Variants in PARD3B observed in about 807,000 individuals in gnomAD.
The protein encoded by PARD3B is partitioning defective 3 homolog B.
A neutral mutation model predicts 130.2 loss-of-function variants in PARD3B; 103 were observed. The observed-to-expected ratio is 0.79, with a 90% CI of 0.67 to 0.93. The LOEUF is 0.93. Among genes scored for constraint, PARD3B ranks in the 40% least tolerant of loss-of-function variants. The probability of loss-of-function intolerance (pLI) is 0.00; values close to 1 mark genes in which losing one functional copy is unlikely to be tolerated. For missense variants in PARD3B, 1,609 were observed against 1,499.2 expected, an observed-to-expected ratio of 1.07 and a Z score of -1.21; for synonymous variants, 583 against 553.2, an observed-to-expected ratio of 1.05 and a Z score of -0.76.
At chr2:205,208,485 A>C (rs1183244141) in intron 15 of PARD3B, among the ~76,000 whole-genome samples, 4,163 of 123,646 alleles carry the variant, frequency 0.034, 117 homozygotes, top group African/African-American at 0.048. Context: ...GTCTCAGGCC[A>C]AAATCTCCTT....
At position 204,563,217 on chromosome 2, in the gene PARD3B, G is replaced by GTCTGTCTCTC. The variant is rs1553541986; in HGVS notation, c.120+17101_120+17102insGTCTCTCTCT. ...CGTTTTTACATGCCGTCTTCCCGCT[G>GTCTGTCTCTC]TCTCTCTCTCTCTCTCTCTCTCTCT... On this transcript the variant is annotated intron_variant, in intron 1 of 22. Transcript: ENST00000406610. 4.4e-4 allele frequency among the ~76,000 whole-genome samples: 38 copies of GTCTGTCTCTC among 86,636 alleles called. 2 individuals carry two copies. The highest frequency in any genetic ancestry group is 1.6e-3 in the African/African-American group (36 of 22,456). 56.8% of individuals were successfully genotyped at this position (86,636 alleles called of 152,430 possible).
chr2:204,808,834 A>G (rs1398505456), intron 2 of PARD3B, among the ~76,000 whole-genome samples: 1 of 152,116 alleles, frequency 6.6e-6, no homozygotes, highest in Non-Finnish European at 1.5e-5. Flanking sequence ...TTATATTCCT[A>G]TGAGTATATA....
At position 204,731,795 on chromosome 2, in the gene PARD3B, G is replaced by T. The variant is rs1036640327; in HGVS notation, c.222+45513G>T. ...TGTGGCCTAGAGGAAAGTTACATTGGTTTTTTTTAGTTCTTAGGTAGTGTA... is the reference window on the plus strand; with the variant it reads ...TGTGGCCTAGAGGAAAGTTACATTGTTTTTTTTTAGTTCTTAGGTAGTGTA... On this transcript the variant is annotated intron_variant, in intron 2 of 22. Transcript: ENST00000406610. Among the ~76,000 whole-genome samples the T allele has an allele frequency of 7.9e-5, 12 of 151,898 alleles. 1 individual carries two copies. Among genetic ancestry groups the T allele is most frequent in the African/African-American group, 2.4e-4 (10 of 41,364 alleles).
intron 2 of PARD3B, among the ~76,000 whole-genome samples, chr2:204,814,146 C>A (rs2125529951): frequency 6.6e-6 from 1 of 152,072 alleles, no homozygotes; most frequent in Admixed American, 6.5e-5. Flanking sequence ...CCTGAGAAAT[C>A]TCATGTTTTT....
intron 15 of PARD3B, among the ~76,000 whole-genome samples, chr2:205,203,100 ACT>A (rs1301582138): frequency 1.3e-5 from 2 of 152,006 alleles, no homozygotes; most frequent in African/African-American, 2.4e-5. Context: ...GAAATGTAAG[ACT>A]CTATTTCCCC....
rs574817936 is a variant in PARD3B at position 204,971,631 on chromosome 2, C to T, written c.394+6308C>T. ...TTCCCTGGGAGTCTGTTTTTTTTTTCCCCCTCCATGAAGGCTTAAATGAAT... is the reference window on the plus strand; with the variant it reads ...TTCCCTGGGAGTCTGTTTTTTTTTTTCCCCTCCATGAAGGCTTAAATGAAT... On this transcript the variant is annotated intron_variant, in intron 3 of 22. Coordinates refer to ENST00000406610, the MANE Select transcript of PARD3B (RefSeq NM_001302769.2). 2.1e-3 allele frequency among the ~76,000 whole-genome samples: 298 copies of T among 144,446 alleles called. 2 individuals carry two copies. The highest frequency in any genetic ancestry group is 6.5e-3 in the African/African-American group (253 of 38,718). 94.8% of individuals were successfully genotyped at this position (144,446 alleles called of 152,430 possible).
chr2:204,964,789 T>C (rs1207108579), intron 2 of PARD3B, among the ~76,000 whole-genome samples: 5 of 152,172 alleles, frequency 3.3e-5, no homozygotes, highest in African/African-American at 1.2e-4. Flanking sequence ...TCAACTTTCA[T>C]TTTTGGAAGC....
intron 19 of PARD3B, among the ~76,000 whole-genome samples, chr2:205,436,113 A>C (rs1019264274): frequency 1.3e-5 from 2 of 152,210 alleles, no homozygotes; most frequent in African/African-American, 4.8e-5. Flanking sequence ...TGGAATAGCA[A>C]AGAGGGACCT....
At chr2:205,303,589 G>A (rs190581348) in intron 18 of PARD3B, among the ~76,000 whole-genome samples, 10 of 152,124 alleles carry the variant, frequency 6.6e-5, no homozygotes, top group South Asian at 4.2e-4. Flanking sequence ...CCACTGTACC[G>A]CTCCTCCTCA....
chr2:204,607,650 C>A (rs2033775988), intron 1 of PARD3B, among the ~76,000 whole-genome samples: 1 of 151,994 alleles, frequency 6.6e-6, no homozygotes, highest in African/African-American at 2.4e-5. Context: ...ACAGTGGGAA[C>A]AAAGGATTTG....
At chr2:205,222,179 TAA>T (rs11352078) in intron 15 of PARD3B, among the ~76,000 whole-genome samples, 521 of 147,328 alleles carry the variant, frequency 3.5e-3, no homozygotes, top group Non-Finnish European at 4.8e-3. Context: ...CCTTCCAATA[TAA>T]AAAAAAAAAA....
intron 20 of PARD3B, among the ~76,000 whole-genome samples, chr2:205,468,182 G>A (rs1469451957): frequency 6.6e-6 from 1 of 152,202 alleles, no homozygotes; most frequent in Non-Finnish European, 1.5e-5. Context: ...TTCAGATATG[G>A]AATATGTGTA....
rs1283263044 is a variant in PARD3B at position 204,606,296 on chromosome 2, A to G, written c.120+60177A>G. Among the ~76,000 whole-genome samples the G allele has an allele frequency of 6.6e-6, 1 of 152,058 alleles. No individual in the cohort carries two copies. The highest frequency in any genetic ancestry group is 1.5e-5 in the Non-Finnish European group (1 of 68,020). On this transcript the variant is annotated intron_variant, in intron 1 of 22. Coordinates refer to ENST00000406610, the MANE Select transcript of PARD3B (RefSeq NM_001302769.2). This position sits in a 1 kb window ranked among gnomAD's most constrained non-coding sequence, Gnocchi z 4.0. ...ATTATGCTGCAGTAAGAATCTGGAA[A>G]CCTCAGTGGCTTTAGTACTTTTTAG...
At chr2:205,305,237 A>C (rs2042148699) in intron 18 of PARD3B, among the ~76,000 whole-genome samples, 1 of 152,142 alleles carries the variant, frequency 6.6e-6, no homozygotes, top group Non-Finnish European at 1.5e-5. Context: ...AGTTGCTGGG[A>C]ATCTCCTATA....
chr2:204,569,462 C>T (rs575529546), intron 1 of PARD3B, among the ~76,000 whole-genome samples: 23 of 152,254 alleles, frequency 1.5e-4, no homozygotes, highest in Middle Eastern at 3.4e-3. Context: ...TAGTAATCAT[C>T]AAATAGGTGA....
chr2:204,802,406 G>C (rs968661414), intron 2 of PARD3B, among the ~76,000 whole-genome samples: 6 of 152,182 alleles, frequency 3.9e-5, no homozygotes, highest in African/African-American at 1.4e-4. Context: ...GTCTAAATTA[G>C]CTCAACCATT....
intron 5 of PARD3B, among the ~76,000 whole-genome samples, chr2:205,107,188 T>C (rs533780308): frequency 3.9e-5 from 6 of 152,344 alleles, no homozygotes; most frequent in Admixed American, 2.6e-4. Flanking sequence ...CCTACTAACT[T>C]CTCTGTCAAA....
Position 205,182,037 on chromosome 2 carries a change from A to C in PARD3B, c.1925-3727A>C, listed in dbSNP as rs190678917. ...GCCGGGTGTGGTGGCTTACGCCTGTAATCCCAGCACTTTGGGAGGCCAAGG... is the reference window on the plus strand; with the variant it reads ...GCCGGGTGTGGTGGCTTACGCCTGTCATCCCAGCACTTTGGGAGGCCAAGG... On this transcript the variant is annotated intron_variant, in intron 13 of 22. Transcript: ENST00000406610. 5.2e-3 allele frequency among the ~76,000 whole-genome samples: 799 copies of C among 152,356 alleles called. 8 individuals are homozygous for C. The highest frequency in any genetic ancestry group is 0.017 in the African/African-American group (721 of 41,586).
At chr2:205,055,020 T>C (rs1699546565) in intron 4 of PARD3B, among the ~76,000 whole-genome samples, 1 of 152,182 alleles carries the variant, frequency 6.6e-6, no homozygotes, top group South Asian at 2.1e-4. Flanking sequence ...ATGACTGCAT[T>C]TTTTCAAGAC....
Sources: gnomAD v4.1 joint callset for allele counts (sites outside exome capture counted in the v4.1 genomes callset) on GRCh38, gnomAD v4.1.1 for gene constraint, Gnocchi (gnomAD v3.1) non-coding constraint, MANE v1.5 for transcripts, NCBI Gene and HGNC (gene_info 2026-07-23, HGNC 2026-07-21) for gene names.